MGAM2: variants seen among roughly 807,000 people sequenced by gnomAD.
MGAM2 encodes the protein probable maltase-glucoamylase 2.
In MGAM2, 98 loss-of-function variants were observed where a neutral mutation model predicts 96.1. The observed-to-expected ratio is 1.02, with a 90% CI of 0.87 to 1.21. The LOEUF (loss-of-function observed/expected upper bound fraction) is 1.21. MGAM2 is among the 50% of genes most tolerant of loss of function. MGAM2 has a pLI of 0.00. For synonymous variants in MGAM2, 749 were observed against 414.8 expected (o/e 1.81, Z -9.79); for missense variants, 2,055 against 1,182.4 (o/e 1.74, Z -10.82).
At chr7:142,200,034 T>C in intron 45 of MGAM2, 66 bp downstream of exon 45, 1 of 584,294 alleles carries the variant, frequency 1.7e-6, no homozygotes, top group Non-Finnish European at 3.1e-6. Context: ...AGGCTCGGCA[T>C]ATAACTAACA....
At chr7:142,156,889 A>T (rs920699261) in intron 17 of MGAM2, among the ~76,000 whole-genome samples, 1 of 152,220 alleles carries the variant, frequency 6.6e-6, no homozygotes, top group African/African-American at 2.4e-5. Context: ...AAAATGAACA[A>T]AATGAATGCC....
At chr7:142,195,013 A>G (rs1796987383) in intron 37 of MGAM2, among the ~76,000 whole-genome samples, 1 of 152,152 alleles carries the variant, frequency 6.6e-6, no homozygotes, top group Non-Finnish European at 1.5e-5. Flanking sequence ...AAAGATAAAC[A>G]TCTTTTATGT....
chr7:142,116,158 G>C (rs1465185546), intron 1 of MGAM2, among the ~76,000 whole-genome samples: 1 of 152,132 alleles, frequency 6.6e-6, no homozygotes, highest in Non-Finnish European at 1.5e-5. Context: ...TAGGTAAATA[G>C]CCCATCTGTT....
chr7:142,199,844 C>G (rs759424267), intron 44 of MGAM2, 36 bp from the exon 45 acceptor site: 4 of 662,038 alleles, frequency 6.0e-6, no homozygotes, highest in Admixed American at 2.4e-5. Context: ...AACCTACAAT[C>G]TAGAGAAAAA....
intron 45 of MGAM2, among the ~76,000 whole-genome samples, chr7:142,201,399 T>G (rs1797229014): frequency 6.6e-6 from 1 of 152,148 alleles, no homozygotes; most frequent in African/African-American, 2.4e-5. Flanking sequence ...TATTAACCAT[T>G]GTTTCCATTT....
In MGAM2 at chr7:142,131,566, A is replaced by G; in HGVS notation, c.359A>G (p.Asn120Ser). ...KRLPSPSLFG[N>S]DVATTLFTAE... The stretch of plus-strand genomic sequence containing the variant: ...TTGCCATCACCATCTCTGTTTGGAA[A>G]TGATGTCGCCACCACCCTTTTCACA... Residue 120 changes from asparagine (N) to serine (S), a missense_variant, in exon 5 of 48, where the codon AAT becomes AGT. By Grantham distance (46) the Asn-to-Ser change is conservative. Coordinates refer to ENST00000477922, the MANE Select transcript of MGAM2 (RefSeq NM_001293626.2). 1.4e-6 allele frequency: 1 copy of G among 703,048 alleles called. No homozygotes were observed. Among genetic ancestry groups the G allele is most frequent in the Non-Finnish European group, 2.6e-6 (1 of 384,956 alleles). 43.6% of individuals were successfully genotyped at this position (703,048 alleles called of 1,614,324 possible). A position where few individuals can be genotyped will look rare whatever the true frequency, so the allele number is the denominator to read the frequency against.
chr7:142,215,020 T>G (rs1362606879), intron 46 of MGAM2, among the ~76,000 whole-genome samples: 1 of 152,224 alleles, frequency 6.6e-6, no homozygotes, highest in African/African-American at 2.4e-5. Flanking sequence ...ACTGCAGCAC[T>G]GTTCACAATA....
chr7:142,196,400 C>T (rs1001172827), intron 38 of MGAM2, 113 bp downstream of exon 38: 1 of 646,522 alleles, frequency 1.5e-6, no homozygotes, highest in African/African-American at 1.8e-5. Flanking sequence ...GTAAAATTAA[C>T]AAGAACTGAG....
intron 10 of MGAM2, among the ~76,000 whole-genome samples, chr7:142,139,173 G>A (rs1291100619): frequency 6.6e-6 from 1 of 152,140 alleles, no homozygotes; most frequent in African/African-American, 2.4e-5. Context: ...TCCCAGATCT[G>A]ATAAACTCTA....
At chr7:142,204,389 G>C (rs1025228565) in intron 45 of MGAM2, among the ~76,000 whole-genome samples, 2 of 151,778 alleles carry the variant, frequency 1.3e-5, no homozygotes, top group African/African-American at 2.4e-5. Flanking sequence ...AAAATATGAA[G>C]GAATTAAACA....
chr7:142,115,120 G>A (rs968135350), intron 1 of MGAM2, among the ~76,000 whole-genome samples: 1 of 152,192 alleles, frequency 6.6e-6, no homozygotes, highest in Non-Finnish European at 1.5e-5. Flanking sequence ...AGGAAGCTGA[G>A]GCAGGATAAT....
rs1445799919 is a variant in MGAM2, at chr7:142,220,870, T to C, written c.6359T>C (p.Ile2120Thr). 1 of 702,108 alleles carries C rather than the reference T, an allele frequency of 1.4e-6. No individual in the cohort carries two copies. Among genetic ancestry groups the C allele is most frequent in the South Asian group, 1.5e-5 (1 of 67,582 alleles). The allele number at this position is 702,108 out of a possible 1,614,324, so 43.5% of individuals were successfully genotyped here. A position where few individuals can be genotyped will look rare whatever the true frequency, so the allele number is the denominator to read the frequency against. The change falls in exon 48 of 48, where the codon ATT (isoleucine) becomes ACT (threonine). Residue 2120 changes from isoleucine to threonine, a missense_variant. Transcript: ENST00000477922. ...GCCACCATTAGTACTACTGTACTTA[T>C]TGCCACTACTTCTTCTCTAACAGGT... ...ADATISTTVLIATTSSLTGTT... is the reference protein window; with the variant it reads ...ADATISTTVLTATTSSLTGTT...
rs183009842 is a variant in MGAM2 at position 142,172,215 on chromosome 7, C to T, written c.3448+21C>T. The T allele has an allele frequency of 2.7e-3, 1,914 of 700,202 alleles. 7 individuals are homozygous for T. Among genetic ancestry groups the T allele is most frequent in the Non-Finnish European group, 3.8e-3 (1,449 of 383,166 alleles). The allele number at this position is 700,202 out of a possible 1,614,324, so 43.4% of individuals were successfully genotyped here. ...CATGGGTAAGGCATAGGCACAGCTC[C>T]CATGCACCACCAGAAACAGCTGTGA... On this transcript the variant is annotated intron_variant, in intron 29 of 47. Coordinates refer to ENST00000477922, the MANE Select transcript of MGAM2 (RefSeq NM_001293626.2).
At chr7:142,173,121 G>C in intron 30 of MGAM2, 108 bp from the exon 31 acceptor site, 1 of 574,742 alleles carries the variant, frequency 1.7e-6, no homozygotes, top group East Asian at 2.8e-5. Context: ...CTTGGGTGAG[G>C]CCTCTTATAC....
At chr7:142,116,789 C>A in intron 1 of MGAM2, 85 bp from the exon 2 acceptor site, 2 of 680,350 alleles carry the variant, frequency 2.9e-6, no homozygotes, top group South Asian at 1.5e-5. Flanking sequence ...CAAACAATTC[C>A]ACATTTGGAT....
At chr7:142,123,936 A>G (rs1166828993) in intron 3 of MGAM2, among the ~76,000 whole-genome samples, 1 of 138,652 alleles carries the variant, frequency 7.2e-6, no homozygotes, top group Non-Finnish European at 1.6e-5. Flanking sequence ...TGATTTTTGT[A>G]TATGGTATCA....
chr7:142,153,971 G>A (rs768629117), intron 15 of MGAM2, 47 bp from the exon 16 acceptor site: 23 of 536,614 alleles, frequency 4.3e-5, no homozygotes, highest in African/African-American at 3.9e-4. Context: ...GTGAGTCCTA[G>A]ACATTCACAG....
intron 34 of MGAM2, 108 bp from the exon 35 acceptor site, chr7:142,185,881 T>C (rs1359080384): frequency 1.7e-6 from 1 of 577,890 alleles, no homozygotes; most frequent in Non-Finnish European, 3.1e-6. Flanking sequence ...AGATCTGAGA[T>C]TAGAGCAGAG....
intron 3 of MGAM2, among the ~76,000 whole-genome samples, chr7:142,128,575 A>T (rs1038823708): frequency 6.6e-6 from 1 of 152,146 alleles, no homozygotes; most frequent in Non-Finnish European, 1.5e-5. Context: ...CAGCCTAGGG[A>T]CTTGGGGTCC....
Sources: allele counts gnomAD v4.1 joint callset (sites outside exome capture counted in the v4.1 genomes callset), GRCh38; gene constraint gnomAD v4.1.1; transcripts MANE v1.5; gene names NCBI Gene and HGNC (gene_info 2026-07-23, HGNC 2026-07-21).